PRKACB: variants seen among roughly 807,000 people sequenced by gnomAD.
PRKACB encodes cAMP-dependent protein kinase catalytic subunit beta.
A neutral mutation model predicts 51.4 loss-of-function variants in PRKACB; 16 were observed. The observed-to-expected ratio is 0.31, with a 90% confidence interval of 0.21 to 0.47. The LOEUF (loss-of-function observed/expected upper bound fraction) is 0.47, where lower values mean the gene tolerates loss of function less well. PRKACB is among the 20% of genes least tolerant of loss of function. The probability of loss-of-function intolerance (pLI) is 1.00; values close to 1 mark genes in which losing one functional copy is unlikely to be tolerated. For missense variants in PRKACB, 309 were observed against 464.5 expected (o/e 0.67, Z 3.08); for synonymous variants, 147 against 154.4 (o/e 0.95, Z 0.35).
At chr1:84,161,174 TG>T (rs1656142903) in intron 1 of PRKACB, among the ~76,000 whole-genome samples, 1 of 151,896 alleles carries the variant, frequency 6.6e-6, no homozygotes, top group Non-Finnish European at 1.5e-5. Flanking sequence ...CATTTCTAAT[TG>T]TCACATTTTT....
At chr1:84,117,890 A>G (rs1423091746) in intron 1 of PRKACB, among the ~76,000 whole-genome samples, 2 of 152,050 alleles carry the variant, frequency 1.3e-5, no homozygotes, top group African/African-American at 2.4e-5. Context: ...GTTAATTTGT[A>G]ATCTTTCTAC....
chr1:84,140,072 A>G (rs1260169625), upstream of PRKACB, among the ~76,000 whole-genome samples: 1 of 151,192 alleles, frequency 6.6e-6, no homozygotes, highest in Non-Finnish European at 1.5e-5. Context: ...GAAAAAAAGG[A>G]AAAAAAAATA....
intron 1 of PRKACB, chr1:84,086,340 A>G (rs1174805560): frequency 1.1e-5 from 8 of 713,266 alleles, no homozygotes; most frequent in African/African-American, 8.7e-5. Flanking sequence ...GGCTCCAGCC[A>G]TGAGTGCTTC....
At chr1:84,083,070 A>AT (rs1571506858) in intron 1 of PRKACB, among the ~76,000 whole-genome samples, 1 of 152,256 alleles carries the variant, frequency 6.6e-6, no homozygotes, top group East Asian at 1.9e-4. Context: ...AAATTTTGTG[A>AT]TTTTTAGTAA....
chr1:84,135,669 G>A lies in PRKACB; in HGVS notation c.47-43508G>A, dbSNP rs151008441. Among the ~76,000 whole-genome samples, 827 of 151,994 alleles carry A rather than the reference G, an allele frequency of 5.4e-3. 5 individuals are homozygous for A. Among genetic ancestry groups the A allele is most frequent in the Middle Eastern group, 0.02 (6 of 294 alleles). ...AGAACATATTTCTAAATAACACATG[G>A]GTCAAAGAAGCCTCCAGAGAAATTT... On this transcript the variant is annotated intron_variant, in intron 1 of 8. Coordinates refer to the PRKACB transcript ENST00000370688.
At chr1:84,148,365 T>C (rs1397104812) in intron 1 of PRKACB, among the ~76,000 whole-genome samples, 3 of 151,874 alleles carry the variant, frequency 2.0e-5, no homozygotes, top group East Asian at 1.9e-4. Context: ...ATTTATAGTA[T>C]TTATATGGTA....
chr1:84,237,904 T>A lies in PRKACB; in HGVS notation c.*2599T>A, dbSNP rs182915082. On this transcript the variant is annotated 3_prime_UTR_variant, in exon 10 of 10. Transcript: ENST00000370685. ...TGTCTGTAAAATGGAAGAACTGGAT[T>A]AGGCAGTTTGTAAGATTCCTCCTAA... 1.7e-4 allele frequency: 26 copies of A among 152,260 alleles called. No individual in the cohort carries two copies. Among genetic ancestry groups the A allele is most frequent in the African/African-American group, 6.0e-4 (25 of 41,580 alleles). The allele number at this position is 152,260 out of a possible 1,614,324, so 9.4% of individuals were successfully genotyped here.
intron 1 of PRKACB, among the ~76,000 whole-genome samples, chr1:84,136,158 T>C (rs1652783048): frequency 6.6e-6 from 1 of 151,992 alleles, no homozygotes; most frequent in African/African-American, 2.4e-5. Flanking sequence ...ATGGACCAAT[T>C]CCTACAAACT....
chr1:84,116,754 A>G (rs1018935535), intron 1 of PRKACB, among the ~76,000 whole-genome samples: 3 of 152,126 alleles, frequency 2.0e-5, no homozygotes, highest in African/African-American at 7.2e-5. Flanking sequence ...AGATCATATC[A>G]TCAGCAAAGA....
At position 84,179,098 on chromosome 1, in the gene PRKACB, C is replaced by T. The variant is rs767372483; in HGVS notation, c.188-79C>T. ...ACATGTCTTTTTTTAAGTGAGAAAACCATATGCAATATAAATATTCTTATA... is the reference window on the plus strand; with the variant it reads ...ACATGTCTTTTTTTAAGTGAGAAAATCATATGCAATATAAATATTCTTATA... On this transcript the variant is annotated intron_variant, in intron 1 of 9. Transcript: ENST00000370685. 3.0e-5 allele frequency: 42 copies of T among 1,407,812 alleles called. No homozygotes were observed. In the African/African-American group the frequency reaches 4.9e-4, roughly 17 times the overall value. The allele number at this position is 1,407,812 out of a possible 1,614,324, so 87.2% of individuals were successfully genotyped here.
chr1:84,131,361 AT>A (rs1231309793), intron 1 of PRKACB, among the ~76,000 whole-genome samples: 2 of 151,856 alleles, frequency 1.3e-5, no homozygotes, highest in African/African-American at 2.4e-5. Context: ...AAAAAAATTA[AT>A]TCTAAGTAGA....
chr1:84,115,490 G>A (rs1487235622), intron 1 of PRKACB, among the ~76,000 whole-genome samples: 4 of 151,694 alleles, frequency 2.6e-5, no homozygotes, highest in Non-Finnish European at 5.9e-5. Flanking sequence ...TCACCCTGTT[G>A]ATTATTTTTT....
chr1:84,181,286 G>A (rs1003741722), intron 2 of PRKACB, among the ~76,000 whole-genome samples: 1 of 151,904 alleles, frequency 6.6e-6, no homozygotes, highest in Non-Finnish European at 1.5e-5. Context: ...ACTACATACT[G>A]GGCCTTCAGA....
At chr1:84,227,569 C>A (rs1254442458) in intron 9 of PRKACB, among the ~76,000 whole-genome samples, 1 of 151,892 alleles carries the variant, frequency 6.6e-6, no homozygotes, top group Non-Finnish European at 1.5e-5. Context: ...ATAATTATTC[C>A]TAAAAGGGGA....
intron 9 of PRKACB, among the ~76,000 whole-genome samples, chr1:84,227,044 T>C (rs1013704672): frequency 1.3e-5 from 2 of 152,182 alleles, no homozygotes; most frequent in African/African-American, 4.8e-5. Context: ...CATTTTAATA[T>C]TTGCCTGAAA....
intron 9 of PRKACB, among the ~76,000 whole-genome samples, chr1:84,229,690 G>A (rs1375630571): frequency 6.6e-6 from 1 of 150,658 alleles, no homozygotes; most frequent in Non-Finnish European, 1.5e-5. Context: ...CAGTGATGGT[G>A]AGCATTTTTT....
At chr1:84,085,068 A>G (rs987138443) in intron 1 of PRKACB, among the ~76,000 whole-genome samples, 1 of 152,230 alleles carries the variant, frequency 6.6e-6, no homozygotes, top group African/African-American at 2.4e-5. Flanking sequence ...TTTTGTTTTG[A>G]AAAGAGGAAA....
intron 1 of PRKACB, among the ~76,000 whole-genome samples, chr1:84,133,797 GC>G (rs1252335952): frequency 6.6e-6 from 1 of 152,186 alleles, no homozygotes; most frequent in Admixed American, 6.5e-5. Context: ...ACCCCTCAAA[GC>G]CCCAGAAGTA....
At chr1:84,142,307 T>C (rs952312552), upstream of PRKACB, among the ~76,000 whole-genome samples, 1 of 152,170 alleles carries the variant, frequency 6.6e-6, no homozygotes, top group East Asian at 1.9e-4. Flanking sequence ...CAGACTTCAC[T>C]GAAGAGGTGA....
Sources: gnomAD v4.1 joint callset for allele counts (sites outside exome capture counted in the v4.1 genomes callset) on GRCh38, gnomAD v4.1.1 for gene constraint, MANE v1.5 for transcripts, NCBI Gene and HGNC (gene_info 2026-07-23, HGNC 2026-07-21) for gene names.